GSG1L: variants seen among roughly 807,000 people sequenced by gnomAD.
GSG1L encodes GSG1 like, also known as germ cell-specific gene 1-like protein.
Under a neutral mutation model 42.1 loss-of-function variants are expected in GSG1L, and 24 were observed. That is an observed-to-expected ratio of 0.57 (90% CI 0.41 to 0.80). GSG1L has a LOEUF of 0.80. GSG1L is among the 30% of genes least tolerant of loss of function. The pLI is 0.00. For synonymous variants in GSG1L, 215 were observed against 203.5 expected, an observed-to-expected ratio of 1.06 and a Z score of -0.48; for missense variants, 445 against 472.2, an observed-to-expected ratio of 0.94 and a Z score of 0.53.
At chr16:27,975,036 C>T (rs2085235539) in intron 1 of GSG1L, among the ~76,000 whole-genome samples, 1 of 152,106 alleles carries the variant, frequency 6.6e-6, no homozygotes, top group Admixed American at 6.5e-5. Context: ...TGAATTCACA[C>T]TTAACAAGCC....
Position 27,820,828 on chromosome 16 carries a change from C to G in GSG1L, c.830+7961G>C, listed in dbSNP as rs183489744. Among the ~76,000 whole-genome samples the G allele has an allele frequency of 7.9e-5, 12 of 152,302 alleles. No individual in the cohort carries two copies. The East Asian group carries it at 2.3e-3, about 29-fold the overall frequency. ...AGCTGCTACCACCAGCCTCCAACCC[C>G]AGACACCGTGGGAGGAGAAGAGAGA... is the stretch of plus-strand genomic sequence containing the variant. On this transcript the variant is annotated intron_variant, in intron 5 of 6. Transcript: ENST00000447459.
chr16:28,037,292 C>T (rs2086050889), intron 1 of GSG1L, among the ~76,000 whole-genome samples: 1 of 152,264 alleles, frequency 6.6e-6, no homozygotes, highest in African/African-American at 2.4e-5. Flanking sequence ...CCCCAAAGTG[C>T]TGGGATCACA....
intron 2 of GSG1L, among the ~76,000 whole-genome samples, chr16:27,937,341 A>T (rs1360269443): frequency 6.6e-6 from 1 of 151,936 alleles, no homozygotes; most frequent in African/African-American, 2.4e-5. Context: ...CTCCAGGTTC[A>T]AGTGATTCTC....
At chr16:27,811,101 T>G (rs144858154) in intron 5 of GSG1L, among the ~76,000 whole-genome samples, 61 of 152,344 alleles carry the variant, frequency 4.0e-4, no homozygotes, top group Middle Eastern at 6.8e-3. Flanking sequence ...CCCCCTATAA[T>G]CACATCTCCA....
At chr16:28,051,877 C>A (rs918786991) in intron 1 of GSG1L, among the ~76,000 whole-genome samples, 3 of 152,106 alleles carry the variant, frequency 2.0e-5, no homozygotes, top group African/African-American at 2.4e-5. Context: ...GGGACTCCAG[C>A]AGTATGCAGT....
intron 2 of GSG1L, among the ~76,000 whole-genome samples, chr16:27,937,221 G>A (rs1321639915): frequency 6.6e-6 from 1 of 151,874 alleles, no homozygotes; most frequent in Non-Finnish European, 1.5e-5. Context: ...TGAGAAGCCA[G>A]CGGTCTTTCT....
At chr16:28,044,386 T>C (rs1307452281) in intron 1 of GSG1L, among the ~76,000 whole-genome samples, 1 of 152,198 alleles carries the variant, frequency 6.6e-6, no homozygotes, top group Non-Finnish European at 1.5e-5. Flanking sequence ...CTTACCAAAC[T>C]ATCCAAAAAT....
At chr16:27,919,006 G>C (rs1236816965) in intron 2 of GSG1L, among the ~76,000 whole-genome samples, 3 of 152,134 alleles carry the variant, frequency 2.0e-5, no homozygotes, top group Non-Finnish European at 4.4e-5. Context: ...CCACACAGCT[G>C]TCCAGGCAGG....
rs995366007 is a variant in GSG1L, at chr16:27,838,361, G to A, written c.662+6589C>T. Among the ~76,000 whole-genome samples, 27 of 152,278 alleles carry A rather than the reference G, an allele frequency of 1.8e-4. No individual in the cohort carries two copies. In the South Asian group the frequency reaches 5.4e-3, roughly 30 times the overall value. ...CTCCCTGTTCCTCTCACCCCCCAGG[G>A]CCCCAACGCACCCACAAAATACACA... On this transcript the variant is annotated intron_variant, in intron 4 of 6. Coordinates refer to ENST00000447459, the MANE Select transcript of GSG1L (RefSeq NM_001109763.2).
intron 6 of GSG1L, among the ~76,000 whole-genome samples, chr16:27,802,681 A>G (rs1213091911): frequency 6.6e-6 from 1 of 151,986 alleles, no homozygotes; most frequent in Non-Finnish European, 1.5e-5. Flanking sequence ...CATTCTCCTC[A>G]GATGATCTTT....
intron 1 of GSG1L, among the ~76,000 whole-genome samples, chr16:28,023,093 T>C (rs205379): frequency 0.21 from 32,228 of 152,172 alleles, 3,824 homozygotes; most frequent in South Asian, 0.48. Flanking sequence ...CCTCCCAAAA[T>C]GCGGGGATTG....
intron 2 of GSG1L, among the ~76,000 whole-genome samples, chr16:27,946,098 G>A (rs2084857013): frequency 6.6e-6 from 1 of 152,218 alleles, no homozygotes; most frequent in African/African-American, 2.4e-5. Flanking sequence ...GGGTGAAAAG[G>A]CCCATGAGGT....
chr16:27,932,301 C>T (rs1427377280), intron 2 of GSG1L, among the ~76,000 whole-genome samples: 2 of 152,182 alleles, frequency 1.3e-5, no homozygotes, highest in African/African-American at 4.8e-5. Flanking sequence ...GATTCACCTG[C>T]CTCAGCCTCC....
intron 3 of GSG1L, among the ~76,000 whole-genome samples, chr16:27,876,602 G>A (rs750490709): frequency 1.3e-5 from 2 of 152,176 alleles, no homozygotes; most frequent in South Asian, 2.1e-4. Flanking sequence ...CTGGTACCAG[G>A]CCCAGGGGAG....
intron 1 of GSG1L, among the ~76,000 whole-genome samples, chr16:28,018,256 T>A (rs1470612117): frequency 2.0e-5 from 3 of 152,180 alleles, no homozygotes; most frequent in Non-Finnish European, 2.9e-5. Context: ...TTCAGTTCTG[T>A]CTCATAACAA....
At chr16:27,947,119 G>A (rs2084881897) in intron 2 of GSG1L, among the ~76,000 whole-genome samples, 1 of 152,088 alleles carries the variant, frequency 6.6e-6, no homozygotes, top group Admixed American at 6.6e-5. Context: ...CCTGGAGCAA[G>A]TTTTGTTTTT....
chr16:28,010,393 G>A (rs192965405), intron 1 of GSG1L, among the ~76,000 whole-genome samples: 10 of 152,274 alleles, frequency 6.6e-5, no homozygotes, highest in African/African-American at 2.4e-4. Context: ...CATGCACTGT[G>A]GGGGGATTTT....
rs1456794884 is a variant in GSG1L, at chr16:27,947,433, G to GAAAGAAAGA, written c.397+15722_397+15723insTCTTTCTTT. 1.0e-3 allele frequency among the ~76,000 whole-genome samples: 85 copies of GAAAGAAAGA among 84,444 alleles called. 2 individuals are homozygous for GAAAGAAAGA. The highest frequency in any genetic ancestry group is 1.7e-3 in the Non-Finnish European group (61 of 36,562). 55.4% of individuals were successfully genotyped at this position (84,444 alleles called of 152,430 possible). On this transcript the variant is annotated intron_variant, in intron 2 of 6. Transcript: ENST00000447459. ...GAAAGAAAGAAAGAAAGAAAGAGAA[G>GAAAGAAAGA]GAAGGAAGGAAAGAAGAAGGAAGAA... is the stretch of plus-strand genomic sequence containing the variant.
At chr16:27,926,734 T>C (rs1045368210) in intron 2 of GSG1L, among the ~76,000 whole-genome samples, 1 of 152,022 alleles carries the variant, frequency 6.6e-6, no homozygotes, top group African/African-American at 2.4e-5. Flanking sequence ...GGAATCCCAC[T>C]GGAGAAGCAA....
Sources: allele counts gnomAD v4.1 joint callset (sites outside exome capture counted in the v4.1 genomes callset), GRCh38; gene constraint gnomAD v4.1.1; transcripts MANE v1.5; gene names NCBI Gene and HGNC (gene_info 2026-07-23, HGNC 2026-07-21).